Variants in MIR2052HG observed in about 807,000 individuals in gnomAD.
MIR2052HG encodes the protein MIR2052 host gene.
At chr8:74,751,041 G>A (rs1478001517) in intron 4 of MIR2052HG, among the ~76,000 whole-genome samples, 1 of 152,124 alleles carries the variant, frequency 6.6e-6, no homozygotes, top group African/African-American at 2.4e-5. Context: ...CATTATTCAT[G>A]GATTCTGTAT....
intron 4 of MIR2052HG, among the ~76,000 whole-genome samples, chr8:74,720,407 C>G (rs562609141): frequency 3.3e-5 from 5 of 152,188 alleles, no homozygotes; most frequent in African/African-American, 1.2e-4. Flanking sequence ...CAATGCATAG[C>G]AAGATTCTAA....
At chr8:74,667,412 G>A (rs1356712178) in intron 2 of MIR2052HG, among the ~76,000 whole-genome samples, 1 of 151,994 alleles carries the variant, frequency 6.6e-6, no homozygotes. Context: ...AAATTTAGCT[G>A]GTCCTAAAAT....
intron 2 of MIR2052HG, among the ~76,000 whole-genome samples, chr8:74,694,655 A>C (rs377497311): frequency 6.6e-6 from 1 of 152,170 alleles, no homozygotes; most frequent in East Asian, 1.9e-4. Context: ...ATCAAACACA[A>C]CTTCTGGAAA....
chr8:74,619,349 C>G (rs903351097), intron 2 of MIR2052HG, among the ~76,000 whole-genome samples: 8 of 152,172 alleles, frequency 5.3e-5, no homozygotes, highest in African/African-American at 1.9e-4. Context: ...GGAGGCATCA[C>G]ACTGTCAGAT....
chr8:74,690,414 G>A (rs929337166), intron 2 of MIR2052HG, among the ~76,000 whole-genome samples: 5 of 152,092 alleles, frequency 3.3e-5, no homozygotes, highest in African/African-American at 1.2e-4. Context: ...ATATAGAATC[G>A]TCCTACGTGG....
At chr8:74,610,405 T>A (rs1808177882) in intron 1 of MIR2052HG, among the ~76,000 whole-genome samples, 2 of 151,810 alleles carry the variant, frequency 1.3e-5, no homozygotes, top group South Asian at 4.2e-4. Flanking sequence ...ATGTTCATAG[T>A]TTGGAAGATT....
chr8:74,652,859 G>T (rs1198640858), intron 2 of MIR2052HG, among the ~76,000 whole-genome samples: 1 of 152,186 alleles, frequency 6.6e-6, no homozygotes, highest in African/African-American at 2.4e-5. Flanking sequence ...CTGGGAGGAA[G>T]TGGGTAGCTG....
chr8:74,616,369 A>G (rs960473191), intron 2 of MIR2052HG, among the ~76,000 whole-genome samples: 2 of 148,842 alleles, frequency 1.3e-5, no homozygotes, highest in Non-Finnish European at 3.0e-5. Flanking sequence ...TCCAGTGATG[A>G]TGAGCATTTT....
intron 2 of MIR2052HG, among the ~76,000 whole-genome samples, chr8:74,618,628 A>G (rs1261744678): frequency 6.6e-6 from 1 of 152,230 alleles, no homozygotes; most frequent in African/African-American, 2.4e-5. Flanking sequence ...CAAATTAGGT[A>G]TAGAAGAAAT....
At position 74,611,644 on chromosome 8, in the gene MIR2052HG, T is replaced by C. The variant is rs138106813; in HGVS notation, n.129-1209T>C. 9.2e-5 allele frequency among the ~76,000 whole-genome samples: 14 copies of C among 152,328 alleles called. No individual in the cohort carries two copies. In the East Asian group the frequency reaches 2.7e-3, roughly 29 times the overall value. ...ACAAGGAGAATTATATAATACATAA[T>C]ACTTTTCTTTTTTACTTTGTAAGGA... On this transcript the variant is annotated intron_variant and non_coding_transcript_variant, in intron 1 of 6. Transcript: ENST00000523442.
intron 4 of MIR2052HG, among the ~76,000 whole-genome samples, chr8:74,711,768 A>G (rs1181006873): frequency 1.3e-5 from 2 of 152,224 alleles, no homozygotes; most frequent in African/African-American, 2.4e-5. Flanking sequence ...AAAGGATTAA[A>G]TAAATCTCCT....
intron 1 of MIR2052HG, among the ~76,000 whole-genome samples, chr8:74,608,458 G>C (rs1455193899): frequency 6.6e-6 from 1 of 152,094 alleles, no homozygotes; most frequent in Non-Finnish European, 1.5e-5. Context: ...CTATCAATCA[G>C]GTTGACCTTA....
chr8:74,700,493 C>T (rs536908450), intron 2 of MIR2052HG, among the ~76,000 whole-genome samples: 14 of 152,112 alleles, frequency 9.2e-5, no homozygotes, highest in Non-Finnish European at 1.6e-4. Flanking sequence ...AATAACAATA[C>T]TAGCTATATC....
chr8:74,617,159 T>A (rs1808293992), intron 2 of MIR2052HG, among the ~76,000 whole-genome samples: 1 of 152,186 alleles, frequency 6.6e-6, no homozygotes, highest in African/African-American at 2.4e-5. Context: ...CATATAGTGG[T>A]GAAATCTGAG....
rs1260031772 is a variant in MIR2052HG, at chr8:74,630,669, T to C, written n.216+17729T>C. 2.6e-5 allele frequency among the ~76,000 whole-genome samples: 4 copies of C among 152,246 alleles called. No individual in the cohort carries two copies. In the East Asian group the frequency reaches 7.7e-4, roughly 29 times the overall value. On this transcript the variant is annotated intron_variant and non_coding_transcript_variant, in intron 2 of 6. Coordinates refer to ENST00000523442, the Ensembl canonical transcript of MIR2052HG. ...CTCTGGAAACTGAAGGACAAAACAC[T>C]GGCTGGACATTCCTGGCAGTGAGCT...
chr8:74,749,758 A>G (rs2128756559), intron 4 of MIR2052HG, among the ~76,000 whole-genome samples: 1 of 151,574 alleles, frequency 6.6e-6, no homozygotes, highest in Middle Eastern at 3.4e-3. Context: ...CGGAGGCAGG[A>G]GAATCACTTG....
In MIR2052HG at chr8:74,673,906, T is replaced by TATATATATAC. The variant is rs796668051; in HGVS notation, n.217-28468_217-28467insTATACATATA. 1.7e-3 allele frequency among the ~76,000 whole-genome samples: 233 copies of TATATATATAC among 138,298 alleles called. 2 individuals carry two copies. Among genetic ancestry groups the TATATATATAC allele is most frequent in the African/African-American group, 6.4e-3 (208 of 32,494 alleles). 90.7% of individuals were successfully genotyped at this position (138,298 alleles called of 152,430 possible). On this transcript the variant is annotated intron_variant and non_coding_transcript_variant, in intron 2 of 6. Transcript: ENST00000523442. ...TTTTTTGTATATATATATATATATATATATACACACACAAAATATCTATCT... is the reference window on the plus strand; with the variant it reads ...TTTTTTGTATATATATATATATATATATATATATACATATACACACACAAAATATCTATCT...
chr8:74,601,446 G>T (rs532068418), intron 1 of MIR2052HG, among the ~76,000 whole-genome samples: 1 of 152,106 alleles, frequency 6.6e-6, no homozygotes, highest in East Asian at 1.9e-4. Flanking sequence ...TCATCTGTAC[G>T]TGTTAAAATC....
intron 4 of MIR2052HG, among the ~76,000 whole-genome samples, chr8:74,738,932 A>G (rs138531279): frequency 4.6e-5 from 7 of 152,350 alleles, no homozygotes; most frequent in Non-Finnish European, 8.8e-5. Flanking sequence ...AGCTAGGAAG[A>G]AACAATGTAA....
Sources: allele counts gnomAD v4.1 joint callset (sites outside exome capture counted in the v4.1 genomes callset), GRCh38; gene constraint gnomAD v4.1.1; transcripts MANE v1.5; gene names NCBI Gene and HGNC (gene_info 2026-07-23, HGNC 2026-07-21).